The following ACAD9 variants were observed in gnomAD, a reference collection of about 807,000 sequenced individuals.
ACAD9 encodes the protein acyl-CoA dehydrogenase family member 9, also known as complex I assembly factor ACAD9, mitochondrial.
ACAD9 carries 53 observed loss-of-function variants against 70.2 expected under a neutral mutation model. The ratio of observed to expected loss-of-function variants is 0.75; its 90% CI spans 0.61 to 0.95. The LOEUF (loss-of-function observed/expected upper bound fraction) is 0.95. Ranked by LOEUF, ACAD9 falls within the 40% of genes least tolerant of loss-of-function variation. The pLI is 0.00. For missense variants in ACAD9, 777 were observed against 802.8 expected, an observed-to-expected ratio of 0.97 and a Z score of 0.39; for synonymous variants, 313 against 312.1, an observed-to-expected ratio of 1.00 and a Z score of -0.03.
Position 128,899,523 on chromosome 3 carries a change from G to T in ACAD9, c.808+62G>T, listed in dbSNP as rs2340466. On this transcript the variant is annotated intron_variant, in intron 7 of 17. Transcript: ENST00000308982. ...TGTAAGGGGGAGACTGGCCTTTGAC[G>T]GTGTGTGTGTGTGTGTGTGTGTGTG... The T allele has an allele frequency of 0.016, 17,319 of 1,067,600 alleles. 231 individuals carry two copies. The highest frequency in any genetic ancestry group is 0.055 in the South Asian group (3,393 of 62,074). 66.1% of individuals were successfully genotyped at this position (1,067,600 alleles called of 1,614,324 possible).
intron 13 of ACAD9, 88 bp from the exon 14 acceptor site, chr3:128,908,885 G>A: frequency 1.2e-6 from 2 of 1,605,554 alleles, no homozygotes; most frequent in Non-Finnish European, 1.7e-6. Flanking sequence ...GGGGGGCACG[G>A]AGCTTCTGGG....
intron 12 of ACAD9, among the ~76,000 whole-genome samples, chr3:128,907,386 G>A: frequency 6.6e-6 from 1 of 152,198 alleles, no homozygotes; most frequent in East Asian, 1.9e-4. Context: ...AGCCTGGGAG[G>A]GTTGGGGTTC....
intron 13 of ACAD9, 99 bp downstream of exon 13, chr3:128,908,363 G>A (rs1935968337): frequency 1.4e-6 from 2 of 1,380,576 alleles, no homozygotes; most frequent in Admixed American, 1.7e-5. Context: ...GACCTGGAGT[G>A]GGGGCATGGG....
At position 128,912,829 on chromosome 3, in the gene ACAD9, G is replaced by GGA. The variant is rs146518015; in HGVS notation, c.*231_*232dup. The GGA allele has an allele frequency of 1.0e-5, 7 of 695,082 alleles. No individual in the cohort carries two copies. The East Asian group carries it at 2.0e-4, about 20-fold the overall frequency. The allele number at this position is 695,082 out of a possible 1,614,324, so 43.1% of individuals were successfully genotyped here. A position where few individuals can be genotyped will look rare whatever the true frequency, so the allele number is the denominator to read the frequency against. On this transcript the variant is annotated 3_prime_UTR_variant, in exon 18 of 18. Coordinates refer to ENST00000308982, the MANE Select transcript of ACAD9 (RefSeq NM_014049.5). ...ACCATCACAGCTTCTGAACTGAGCC[G>GGA]GAGAGAGAGAATGGAATTGCTGACC...
chr3:128,900,176 C>T (rs1474422521), intron 7 of ACAD9, among the ~76,000 whole-genome samples: 1 of 152,192 alleles, frequency 6.6e-6, no homozygotes. Context: ...AGGCAGTCTA[C>T]CTGCCTCAGC....
rs892231224 is a variant in ACAD9 at position 128,895,477 on chromosome 3, C to T, written c.453+61C>T. On this transcript the variant is annotated intron_variant, in intron 4 of 17. Coordinates refer to ENST00000308982, the MANE Select transcript of ACAD9 (RefSeq NM_014049.5). ...TAGGTCTTCTGGAGTCACATGGAGG[C>T]ATAGAGGCCAGAGGCTTGCTCCCTC... 1.4e-4 allele frequency: 200 copies of T among 1,460,156 alleles called. 1 individual carries two copies. The highest frequency in any genetic ancestry group is 1.7e-4 in the Non-Finnish European group (185 of 1,062,624). The allele number at this position is 1,460,156 out of a possible 1,614,324, so 90.4% of individuals were successfully genotyped here.
At chr3:128,908,875 G>A (rs1033207365) in intron 13 of ACAD9, 98 bp from the exon 14 acceptor site, 11 of 1,589,962 alleles carry the variant, frequency 6.9e-6, no homozygotes, top group Non-Finnish European at 8.6e-6. Flanking sequence ...CCAGGCCAGA[G>A]GGGGGCACGG....
chr3:128,900,293 A>G (rs1233089785), intron 7 of ACAD9, among the ~76,000 whole-genome samples: 1 of 152,000 alleles, frequency 6.6e-6, no homozygotes. Flanking sequence ...GCTGGAGTGC[A>G]GTGGCACTAT....
chr3:128,883,188 C>T (rs1051723131), intron 1 of ACAD9, among the ~76,000 whole-genome samples: 7 of 151,446 alleles, frequency 4.6e-5, no homozygotes, highest in African/African-American at 7.3e-5. Flanking sequence ...TCCCCAGGCT[C>T]AGGGGATCCT....
chr3:128,896,461 A>G lies in ACAD9; in HGVS notation c.479A>G (p.Glu160Gly), dbSNP rs145391132. ...LKGIILAGTEEQKAKYLPKLA... is the reference protein window; with the variant it reads ...LKGIILAGTEGQKAKYLPKLA... ...GGGATCATCTTGGCTGGCACTGAGG[A>G]GCAGAAAGCCAAATACTTGCCTAAA... is the stretch of plus-strand genomic sequence containing the variant. Residue 160 changes from glutamate (E) to glycine (G), a missense_variant, in exon 5 of 18, where the codon GAG becomes GGG. By Grantham distance (98) the Glu-to-Gly change is moderately conservative. Coordinates refer to ENST00000308982, the MANE Select transcript of ACAD9 (RefSeq NM_014049.5). 6.2e-7 allele frequency: 1 copy of G among 1,614,152 alleles called. No homozygotes were observed. The highest frequency in any genetic ancestry group is 1.7e-5 in the Admixed American group (1 of 60,016).
At chr3:128,881,585 A>T (rs1338386313) in intron 1 of ACAD9, among the ~76,000 whole-genome samples, 1 of 152,058 alleles carries the variant, frequency 6.6e-6, no homozygotes, top group Non-Finnish European at 1.5e-5. Flanking sequence ...AGCCCTTACC[A>T]TTCAGGCATT....
At chr3:128,891,319 T>G (rs1287766863) in intron 2 of ACAD9, among the ~76,000 whole-genome samples, 1 of 152,096 alleles carries the variant, frequency 6.6e-6, no homozygotes, top group African/African-American at 2.4e-5. Flanking sequence ...TTCTCACTTT[T>G]GTATGTCTAG....
intron 1 of ACAD9, among the ~76,000 whole-genome samples, chr3:128,882,775 A>G (rs1935130219): frequency 6.6e-6 from 1 of 152,170 alleles, no homozygotes; most frequent in Non-Finnish European, 1.5e-5. Flanking sequence ...ACTTTTTTAG[A>G]TAATTTACAA....
chr3:128,880,645 C>T (rs1036817064), intron 1 of ACAD9, among the ~76,000 whole-genome samples: 3 of 152,158 alleles, frequency 2.0e-5, no homozygotes, highest in Non-Finnish European at 2.9e-5. Context: ...CCTCGGCCTC[C>T]CACAGTGCTG....
chr3:128,912,106 TGA>T (rs1381769593), intron 17 of ACAD9, among the ~76,000 whole-genome samples: 5 of 152,336 alleles, frequency 3.3e-5, no homozygotes, highest in African/African-American at 4.8e-5. Flanking sequence ...TGGCACTTGC[TGA>T]GAGTGGCATA....
At chr3:128,885,096 T>C (rs1935208118) in intron 2 of ACAD9, among the ~76,000 whole-genome samples, 1 of 152,246 alleles carries the variant, frequency 6.6e-6, no homozygotes, top group Non-Finnish European at 1.5e-5. Context: ...GTTGTGGCAG[T>C]GTACAGTTGC....
chr3:128,882,224 A>G (rs1451584837), intron 1 of ACAD9, among the ~76,000 whole-genome samples: 1 of 152,176 alleles, frequency 6.6e-6, no homozygotes, highest in African/African-American at 2.4e-5. Flanking sequence ...AGCTGTACTA[A>G]GAGGTCTAAC....
chr3:128,881,709 TCCAC>T (rs1405798303), intron 1 of ACAD9, among the ~76,000 whole-genome samples: 1 of 152,194 alleles, frequency 6.6e-6, no homozygotes, highest in Admixed American at 6.5e-5. Flanking sequence ...CGTTCATCCT[TCCAC>T]CCTGTTGACG....
At position 128,904,194 on chromosome 3, in the gene ACAD9, T is replaced by C. The variant is rs1466652106; in HGVS notation, c.1029+62T>C. On this transcript the variant is annotated intron_variant, in intron 10 of 17. Transcript: ENST00000308982. ...TGTGTGACATGAACGGTGTGTTCTT[T>C]TGATGTCTCTGTACTGGTGACTTCT... 50 of 1,595,220 alleles carry C rather than the reference T, an allele frequency of 3.1e-5. No homozygotes were observed. In the South Asian group the frequency reaches 5.3e-4, roughly 17 times the overall value.
Sources: allele counts gnomAD v4.1 joint callset (sites outside exome capture counted in the v4.1 genomes callset), GRCh38; gene constraint gnomAD v4.1.1; transcripts MANE v1.5; gene names NCBI Gene and HGNC (gene_info 2026-07-23, HGNC 2026-07-21).